Variants in TRMT2B observed in about 807,000 individuals in gnomAD.
TRMT2B encodes the protein tRNA methyltransferase 2B, also known as tRNA (uracil-5-)-methyltransferase homolog B.
A neutral mutation model predicts 39.7 loss-of-function variants in TRMT2B; 34 were observed. That is an observed-to-expected ratio of 0.86 (90% CI 0.65 to 1.14). TRMT2B has a LOEUF of 1.14. TRMT2B is among the 50% of genes most tolerant of loss of function. The probability of loss-of-function intolerance (pLI) is 0.00; values close to 1 mark genes in which losing one functional copy is unlikely to be tolerated. For missense variants in TRMT2B, 318 were observed against 377.2 expected (o/e 0.84, Z 1.30); for synonymous variants, 132 against 137.3 (o/e 0.96, Z 0.27).
At chrX:101,029,881 A>G (rs1188677226) in intron 7 of TRMT2B, among the ~76,000 whole-genome samples, 1 of 111,774 alleles carries the variant, frequency 8.9e-6, no homozygotes, top group East Asian at 2.8e-4. Flanking sequence ...GCTCACACCT[A>G]AAGGTGCAAA....
At chrX:100,996,941 T>G in the TRMT2B span, among the ~76,000 whole-genome samples, 1 of 112,036 alleles carries the variant, frequency 8.9e-6, no homozygotes, top group Non-Finnish European at 1.9e-5. Flanking sequence ...TAACTTATAT[T>G]GAACCTCTTT....
intron 2 of TRMT2B, among the ~76,000 whole-genome samples, chrX:101,044,835 G>A (rs1411324269): frequency 5.0e-5 from 3 of 60,315 alleles, no homozygotes; most frequent in Non-Finnish European, 8.9e-5. Context: ...GTGAAACTCG[G>A]TCTCAAAAAA....
At chrX:100,996,813 GA>G in the TRMT2B span, among the ~76,000 whole-genome samples, 1 of 110,083 alleles carries the variant, frequency 9.1e-6, no homozygotes, top group Non-Finnish European at 1.9e-5. Context: ...TCAGGAGGCT[GA>G]AAAAAAAGGG....
chrX:100,983,826 A>G, the TRMT2B span, among the ~76,000 whole-genome samples: 2 of 111,722 alleles, frequency 1.8e-5, no homozygotes, highest in Admixed American at 9.6e-5. Context: ...ATATACATAT[A>G]CACACATATA....
intron 8 of TRMT2B, among the ~76,000 whole-genome samples, chrX:101,023,027 CTACTT>C (rs1189486058): frequency 1.8e-5 from 2 of 112,023 alleles, no homozygotes; most frequent in Non-Finnish European, 3.8e-5. Context: ...TTCCTCCTGC[CTACTT>C]TACAAGTTTG....
At chrX:101,000,557 T>C in the TRMT2B span, among the ~76,000 whole-genome samples, 448 of 110,736 alleles carry the variant, frequency 4.0e-3, 2 homozygotes, top group African/African-American at 0.014. Context: ...GGAAGTGCTT[T>C]AAAGAAATAA....
At chrX:101,030,454 C>CTTTTTTTTTTTTTTTTTTTTTTTTT in intron 7 of TRMT2B, among the ~76,000 whole-genome samples, 1 of 71,863 alleles carries the variant, frequency 1.4e-5, no homozygotes, top group Non-Finnish European at 2.5e-5. Context: ...GATCTGCATT[C>CTTTTTTTTTTTTTTTTTTTTTTTTT]TTTTTTTTTT....
chrX:101,004,894 C>T (rs143128217), downstream of TRMT2B, among the ~76,000 whole-genome samples: 126 of 111,591 alleles, frequency 1.1e-3, 1 homozygote, highest in African/African-American at 3.9e-3. Context: ...AACATGAACA[C>T]ACGTAAACAA....
At chrX:101,035,126 T>C (rs1170443654) in intron 7 of TRMT2B, among the ~76,000 whole-genome samples, 8 of 111,527 alleles carry the variant, frequency 7.2e-5, no homozygotes, top group Non-Finnish European at 1.5e-4. Flanking sequence ...GGTGGCAGAA[T>C]TGCTTGAGGC....
chrX:101,040,275 C>G (rs2088143946), intron 4 of TRMT2B, among the ~76,000 whole-genome samples: 1 of 87,379 alleles, frequency 1.1e-5, no homozygotes, highest in Non-Finnish European at 2.2e-5. Context: ...GCCTGGGCAA[C>G]AGAGCCAGAC....
At chrX:101,047,328 G>T (rs1458938055) in intron 2 of TRMT2B, among the ~76,000 whole-genome samples, 2 of 111,808 alleles carry the variant, frequency 1.8e-5, no homozygotes, top group African/African-American at 3.3e-5. Context: ...GTCATGACGT[G>T]TTTAAAGACA....
intron 7 of TRMT2B, among the ~76,000 whole-genome samples, chrX:101,026,663 T>G (rs753588880): frequency 1.2e-3 from 133 of 110,955 alleles, no homozygotes; most frequent in African/African-American, 4.0e-3. Context: ...AAGTAAGTAT[T>G]AAGATTAAAG....
At chrX:100,987,612 T>C in the TRMT2B span, 4 of 1,164,195 alleles carry the variant, frequency 3.4e-6, no homozygotes, top group Non-Finnish European at 4.6e-6. Context: ...GGATCAGTCT[T>C]TCTCACGAGC....
intron 10 of TRMT2B, 65 bp from the exon 11 acceptor site, chrX:101,020,653 TTTTGTTTA>T (rs1378916833): frequency 7.5e-6 from 6 of 795,567 alleles, no homozygotes; most frequent in African/African-American, 4.4e-5. Flanking sequence ...TTTGTTTGTT[TTTTGTTTA>T]GTTTAGTTTA....
chrX:100,979,451 C>A, the TRMT2B span, among the ~76,000 whole-genome samples: 1 of 111,770 alleles, frequency 8.9e-6, no homozygotes, highest in Non-Finnish European at 1.9e-5. Context: ...GTATATCATG[C>A]CACTCTCTTA....
At chrX:101,014,331 TC>T (rs1198566389) in intron 13 of TRMT2B, among the ~76,000 whole-genome samples, 1 of 110,403 alleles carries the variant, frequency 9.1e-6, no homozygotes, top group Non-Finnish European at 1.9e-5. Context: ...GAATTTTCTT[TC>T]TCTCTCTTTT....
chrX:101,029,692 A>G (rs759605631), intron 7 of TRMT2B, among the ~76,000 whole-genome samples: 1 of 112,111 alleles, frequency 8.9e-6, no homozygotes, highest in African/African-American at 3.2e-5. Context: ...AATAAATGAA[A>G]GAACAAAGAT....
chrX:101,020,698 C>G, intron 10 of TRMT2B, 110 bp from the exon 11 acceptor site: 5 of 616,670 alleles, frequency 8.1e-6, no homozygotes, highest in Non-Finnish European at 1.3e-5. Context: ...TAAACAGGGT[C>G]TCACTCTGTA....
At chrX:101,027,290 G>C (rs1443403860) in intron 7 of TRMT2B, among the ~76,000 whole-genome samples, 1 of 107,912 alleles carries the variant, frequency 9.3e-6, no homozygotes, top group Middle Eastern at 4.4e-3. Flanking sequence ...GGAGTGCAGT[G>C]GCGCGATCTC....
Sources: allele counts gnomAD v4.1 joint callset (sites outside exome capture counted in the v4.1 genomes callset), GRCh38; gene constraint gnomAD v4.1.1; transcripts MANE v1.5; gene names NCBI Gene and HGNC (gene_info 2026-07-23, HGNC 2026-07-21).